Variants in TSNARE1 observed in about 807,000 individuals in gnomAD.
TSNARE1 encodes t-SNARE domain containing 1.
TSNARE1 carries 49 observed loss-of-function variants against 62.0 expected under a neutral mutation model. The ratio of observed to expected loss-of-function variants is 0.79; its 90% CI spans 0.63 to 1.00. The LOEUF (loss-of-function observed/expected upper bound fraction) is 1.00, where lower values mean the gene tolerates loss of function less well. Ranked by LOEUF, TSNARE1 falls within the 50% of genes least tolerant of loss-of-function variation. TSNARE1 has a pLI of 0.00. For missense variants in TSNARE1, 755 were observed against 700.1 expected, an observed-to-expected ratio of 1.08 and a Z score of -0.88; for synonymous variants, 328 against 294.4, an observed-to-expected ratio of 1.11 and a Z score of -1.17.
chr8:142,346,505 C>T (rs913451040), intron 2 of TSNARE1, among the ~76,000 whole-genome samples: 1 of 152,382 alleles, frequency 6.6e-6, no homozygotes, highest in Middle Eastern at 3.4e-3. Flanking sequence ...TTCATTGATC[C>T]TCAGATGCAC....
chr8:142,271,444 T>C (rs55667547), intron 12 of TSNARE1: 253,042 of 1,257,012 alleles, frequency 0.2, 26,795 homozygotes, highest in Middle Eastern at 0.23. Flanking sequence ...ACGTTTCAGA[T>C]GCTGCCGCTG....
intron 10 of TSNARE1, among the ~76,000 whole-genome samples, chr8:142,284,768 C>T (rs1041236346): frequency 3.3e-5 from 5 of 152,232 alleles, no homozygotes; most frequent in Non-Finnish European, 7.3e-5. Context: ...CCCAACCTCT[C>T]CAGGTGTCCT....
intron 9 of TSNARE1, among the ~76,000 whole-genome samples, chr8:142,306,888 T>TTA: frequency 2.0e-5 from 3 of 152,144 alleles, no homozygotes; most frequent in Non-Finnish European, 4.4e-5. Context: ...CTATGACTGC[T>TTA]CACAAAGGAA....
At position 142,363,950 on chromosome 8, in the gene TSNARE1, C is replaced by T. The variant is rs186752391; in HGVS notation, c.-39-9187G>A. 2.0e-4 allele frequency among the ~76,000 whole-genome samples: 30 copies of T among 152,288 alleles called. No homozygotes were observed. The East Asian group carries it at 4.4e-3, about 23-fold the overall frequency. ...GGGGGTCAAAGGGGATGATGAGTGACGGCAGACAGCATGGTTCCAGGTGAG... is the reference window on the plus strand; with the variant it reads ...GGGGGTCAAAGGGGATGATGAGTGATGGCAGACAGCATGGTTCCAGGTGAG... On this transcript the variant is annotated intron_variant, in intron 1 of 13. Transcript: ENST00000524325.
intron 12 of TSNARE1, chr8:142,273,245 A>G: frequency 1.0e-6 from 1 of 985,382 alleles, no homozygotes; most frequent in African/African-American, 1.7e-5. Context: ...CCCAGGCATC[A>G]GCGCTGCTTC....
At chr8:142,358,583 G>A (rs1448161519) in intron 1 of TSNARE1, among the ~76,000 whole-genome samples, 1 of 152,136 alleles carries the variant, frequency 6.6e-6, no homozygotes, top group African/African-American at 2.4e-5. Flanking sequence ...GCTGCATATG[G>A]AAACATGAAA....
chr8:142,368,436 GC>G (rs1835709230), intron 1 of TSNARE1, among the ~76,000 whole-genome samples: 1 of 149,734 alleles, frequency 6.7e-6, no homozygotes, highest in African/African-American at 2.5e-5. Context: ...AGAGAGTGCT[GC>G]CCGAACCTAA....
rs1038847278 is a variant in TSNARE1 at position 142,291,956 on chromosome 8, C to T, written c.1291-7471G>A. Among the ~76,000 whole-genome samples, 6 of 151,806 alleles carry T rather than the reference C, an allele frequency of 4.0e-5. No homozygotes were observed. Among genetic ancestry groups the T allele is most frequent in the African/African-American group, 1.2e-4 (5 of 41,278 alleles). On this transcript the variant is annotated intron_variant, in intron 10 of 13. Coordinates refer to ENST00000524325, the MANE Select transcript of TSNARE1 (RefSeq NM_145003.5). This position sits in a 1 kb window ranked among gnomAD's most constrained non-coding sequence, Gnocchi z 4.8. ...CCTCTCCCGTGGACGGTCACAGCAA[C>T]GCACGCCCCCCCCGGCCCCCCACCT...
intron 12 of TSNARE1, among the ~76,000 whole-genome samples, chr8:142,251,613 C>A (rs1390351121): frequency 6.6e-6 from 1 of 152,206 alleles, no homozygotes; most frequent in African/African-American, 2.4e-5. Flanking sequence ...GGAGACAGGG[C>A]CCGGCTTATG....
intron 6 of TSNARE1, among the ~76,000 whole-genome samples, chr8:142,325,126 G>C (rs1830013428): frequency 1.3e-5 from 2 of 152,256 alleles, no homozygotes; most frequent in South Asian, 4.1e-4. Context: ...GAGGTGGCCA[G>C]GGCGAGTGGG....
At chr8:142,298,064 G>A (rs1220202515) in intron 10 of TSNARE1, among the ~76,000 whole-genome samples, 1 of 152,186 alleles carries the variant, frequency 6.6e-6, no homozygotes, top group East Asian at 1.9e-4. Flanking sequence ...CGTCCGCACA[G>A]TGCTGAGCTG....
At chr8:142,333,403 A>G (rs1831331311) in intron 4 of TSNARE1, among the ~76,000 whole-genome samples, 1 of 152,224 alleles carries the variant, frequency 6.6e-6, no homozygotes, top group Admixed American at 6.5e-5. Context: ...CTTTCTCTGC[A>G]AGTTTACAAT....
In TSNARE1 at chr8:142,287,726, T is replaced by TCAG. The variant is rs568552178; in HGVS notation, c.1291-3244_1291-3242dup. Among the ~76,000 whole-genome samples the TCAG allele has an allele frequency of 2.0e-3, 273 of 134,590 alleles. 2 individuals carry two copies. The highest frequency in any genetic ancestry group is 8.6e-3 in the South Asian group (34 of 3,936). 88.3% of individuals were successfully genotyped at this position (134,590 alleles called of 152,430 possible). A position where few individuals can be genotyped will look rare whatever the true frequency, so the allele number is the denominator to read the frequency against. ...TGGAACCCAGGACCCCAGCCAGATC[T>TCAG]CAGGGACAGTGGGCCGCCCTCCAGG... On this transcript the variant is annotated intron_variant, in intron 10 of 13. Transcript: ENST00000524325.
rs965195402 is a variant in TSNARE1 at position 142,319,797 on chromosome 8, C to G, written c.894-1163G>C. Among the ~76,000 whole-genome samples, 3 of 152,162 alleles carry G rather than the reference C, an allele frequency of 2.0e-5. No individual in the cohort carries two copies. In the East Asian group the frequency reaches 5.8e-4, roughly 29 times the overall value. ...ACACAGAGGAGTAAGACTGCCCCCCCAGAACAGGCACCCAGCAGGCTAGAG... is the reference window on the plus strand; with the variant it reads ...ACACAGAGGAGTAAGACTGCCCCCCGAGAACAGGCACCCAGCAGGCTAGAG... On this transcript the variant is annotated intron_variant, in intron 6 of 13. Coordinates refer to ENST00000524325, the MANE Select transcript of TSNARE1 (RefSeq NM_145003.5). The surrounding 1 kb of genome is among the most constrained non-coding windows in gnomAD (Gnocchi z 4.9).
At chr8:142,379,524 C>G (rs1836582814) in intron 1 of TSNARE1, among the ~76,000 whole-genome samples, 1 of 152,214 alleles carries the variant, frequency 6.6e-6, no homozygotes, top group South Asian at 2.1e-4. Flanking sequence ...CGATGGGGAA[C>G]GGGGCGGGGA....
intron 12 of TSNARE1, among the ~76,000 whole-genome samples, chr8:142,243,231 C>T (rs530020083): frequency 6.6e-6 from 1 of 152,306 alleles, no homozygotes; most frequent in Non-Finnish European, 1.5e-5. Flanking sequence ...ATCATATGTT[C>T]CAGCAATCCC....
At chr8:142,381,170 C>T (rs1264897101) in intron 1 of TSNARE1, among the ~76,000 whole-genome samples, 1 of 152,222 alleles carries the variant, frequency 6.6e-6, no homozygotes, top group African/African-American at 2.4e-5. Flanking sequence ...CCCTGGGAAT[C>T]CTGCCCACCC....
chr8:142,285,380 A>ATGGGTGAATGGATGGATGGGTGGG (rs1822542123), intron 10 of TSNARE1, among the ~76,000 whole-genome samples: 1 of 119,572 alleles, frequency 8.4e-6, no homozygotes, highest in African/African-American at 3.1e-5. Context: ...AGATGTATGG[A>ATGGGTGAATGGATGGATGGGTGGG]TGGGTGAATG....
chr8:142,402,425 C>G (rs1351415067), intron 1 of TSNARE1, among the ~76,000 whole-genome samples: 1 of 152,242 alleles, frequency 6.6e-6, no homozygotes, highest in African/African-American at 2.4e-5. Flanking sequence ...TGCCTAGGGG[C>G]TACCACACTG....
Sources: allele counts gnomAD v4.1 joint callset (sites outside exome capture counted in the v4.1 genomes callset), GRCh38; gene constraint gnomAD v4.1.1; non-coding constraint Gnocchi (gnomAD v3.1); transcripts MANE v1.5; gene names NCBI Gene and HGNC (gene_info 2026-07-23, HGNC 2026-07-21).